The following C5 variants were observed in gnomAD, a reference collection of about 807,000 sequenced individuals.
The protein encoded by C5 is C3 and PZP-like alpha-2-macroglobulin domain-containing protein 4.
Under a neutral mutation model 218.8 loss-of-function variants are expected in C5, and 140 were observed. The observed-to-expected ratio is 0.64, with a 90% CI of 0.56 to 0.74. C5 has a LOEUF of 0.74. Ranked by LOEUF, C5 falls within the 30% of genes least tolerant of loss-of-function variation. The pLI, the probability that C5 is intolerant of heterozygous loss-of-function variation, is 0.00. For missense variants in C5, 1,700 were observed against 1,969.6 expected (o/e 0.86, Z 2.59); for synonymous variants, 614 against 682.3 (o/e 0.90, Z 1.56).
chr9:121,016,522 A>G, intron 14 of C5, 139 bp from the exon 15 acceptor site: 1 of 1,120,992 alleles, frequency 8.9e-7, no homozygotes, highest in East Asian at 2.5e-5. Context: ...TCAAAGACAA[A>G]ATTTCCCAAC....
chr9:121,074,702 C>T, the C5 span: 8 of 423,268 alleles, frequency 1.9e-5, no homozygotes, highest in Middle Eastern at 2.3e-3. Flanking sequence ...GCACTGCGGG[C>T]AGCTGCCGCA....
chr9:121,029,747 G>T (rs571136867), intron 7 of C5, among the ~76,000 whole-genome samples: 6 of 152,202 alleles, frequency 3.9e-5, no homozygotes, highest in Non-Finnish European at 8.8e-5. Context: ...AAGTGATGGT[G>T]TGCCAGCACC....
chr9:120,994,171 T>C (rs999294893), intron 22 of C5, among the ~76,000 whole-genome samples: 32 of 152,388 alleles, frequency 2.1e-4, no homozygotes, highest in African/African-American at 7.2e-4. Context: ...CTCATTGATA[T>C]ATTTTTTCAG....
chr9:121,065,370 G>A, the C5 span, among the ~76,000 whole-genome samples: 1 of 152,210 alleles, frequency 6.6e-6, no homozygotes, highest in Non-Finnish European at 1.5e-5. Context: ...TATAAAAATA[G>A]TAAACAATGA....
At chr9:120,970,336 G>A in intron 31 of C5, 85 bp from the exon 32 acceptor site, 1 of 848,036 alleles carries the variant, frequency 1.2e-6, no homozygotes, top group Non-Finnish European at 2.0e-6. Flanking sequence ...TGCTGCAGAT[G>A]GGATGCTCGA....
upstream of C5, among the ~76,000 whole-genome samples, chr9:121,054,546 G>A (rs950579697): frequency 1.3e-5 from 2 of 152,206 alleles, no homozygotes; most frequent in Non-Finnish European, 2.9e-5. Flanking sequence ...GTTGCAGTGA[G>A]CCAAGATCGT....
chr9:121,070,093 C>G, the C5 span, among the ~76,000 whole-genome samples: 1 of 152,064 alleles, frequency 6.6e-6, no homozygotes, highest in Admixed American at 6.6e-5. Flanking sequence ...CGTAGTGGCT[C>G]ATGCCTGTAA....
chr9:121,025,528 T>C lies in C5; in HGVS notation c.926A>G (p.Glu309Gly), dbSNP rs1452018435. 1 of 1,613,256 alleles carries C rather than the reference T, an allele frequency of 6.2e-7. No individual in the cohort carries two copies. The highest frequency in any genetic ancestry group is 1.7e-5 in the Admixed American group (1 of 60,004). ...VTFDSETAVKELSYYSLEDLN... is the reference protein window; with the variant it reads ...VTFDSETAVKGLSYYSLEDLN... ...ATCTTCTAAACTGTAGTATGACAGT[T>C]CTTTGACTGCTGTTTCAGAATCAAA... The change falls in exon 9 of 41, where the codon GAA becomes GGA. Residue 309 changes from glutamate to glycine, a missense_variant. Transcript: ENST00000223642.
At position 121,021,531 on chromosome 9, in the gene C5, C is replaced by A; in HGVS notation, c.1280G>T (p.Gly427Val). ...CACATTAAACTCCAGCACCGTCACT[C>A]CAGATGGGAGATTAAGCACAAAGGA... ...VASFVLNLPS[G>V]VTVLEFNVKT... The change falls in exon 11 of 41, where the codon GGA (glycine) becomes GTA (valine). Residue 427 changes from glycine to valine, a missense_variant. Gly to Val is a moderately radical substitution (Grantham distance 109). Transcript: ENST00000223642. 1 of 1,613,738 alleles carries A rather than the reference C, an allele frequency of 6.2e-7. No individual in the cohort carries two copies.
intron 28 of C5, among the ~76,000 whole-genome samples, chr9:120,979,215 G>A (rs191859171): frequency 8.5e-5 from 13 of 152,224 alleles, no homozygotes; most frequent in Non-Finnish European, 1.5e-4. Flanking sequence ...GCATTTGCAC[G>A]TGCTGTTCTC....
At chr9:121,059,552 G>A in the C5 span, among the ~76,000 whole-genome samples, 10 of 152,290 alleles carry the variant, frequency 6.6e-5, no homozygotes, top group Admixed American at 2.0e-4. This position sits in a 1 kb window ranked among gnomAD's most constrained non-coding sequence, Gnocchi z 4.1. Flanking sequence ...CTCATCCAGT[G>A]GCTAAATGTG....
In C5 at chr9:120,962,737, A is replaced by G; in HGVS notation, c.4438T>C (p.Phe1480Leu). 6.2e-7 allele frequency: 1 copy of G among 1,614,176 alleles called. No homozygotes were observed. Among genetic ancestry groups the G allele is most frequent in the Non-Finnish European group, 8.5e-7 (1 of 1,180,004 alleles). Residue 1480 changes from phenylalanine to leucine, a missense_variant, in exon 36 of 41, where the codon TTT (phenylalanine) becomes CTT (leucine). Coordinates refer to ENST00000223642, the MANE Select transcript of C5 (RefSeq NM_001735.3). ...SDFLCVRFRI[F>L]ELFEVGFLSP... ...AGAAACCCAACTTCAAAGAGTTCAA[A>G]TATCCGGAATCGTACACAAAGGAAA...
intron 30 of C5, 72 bp downstream of exon 30, chr9:120,974,707 A>C (rs1449788188): frequency 7.4e-7 from 1 of 1,350,620 alleles, no homozygotes; most frequent in Non-Finnish European, 1.1e-6. Flanking sequence ...AGATTTATAA[A>C]ATAAAGAGTG....
intron 33 of C5, 21 bp downstream of exon 33, chr9:120,969,040 C>G (rs1297038219): frequency 6.2e-7 from 1 of 1,605,970 alleles, no homozygotes; most frequent in Non-Finnish European, 8.5e-7. Context: ...TCTATGCTCC[C>G]CTTTGTGGAA....
At position 121,030,354 on chromosome 9, in the gene C5, T is replaced by C. The variant is rs1237534683; in HGVS notation, c.758+43A>G. The C allele has an allele frequency of 2.8e-6, 3 of 1,078,182 alleles. No homozygotes were observed. The Admixed American group carries it at 7.1e-5, about 25-fold the overall frequency. The allele number at this position is 1,078,182 out of a possible 1,614,324, so 66.8% of individuals were successfully genotyped here. ...ATCATCAACCAGAGTTGAGTTAATTTGAAAAATAAAAATAAAAACAACAAA... is the reference window on the plus strand; with the variant it reads ...ATCATCAACCAGAGTTGAGTTAATTCGAAAAATAAAAATAAAAACAACAAA... On this transcript the variant is annotated intron_variant, in intron 7 of 40. Coordinates refer to ENST00000223642, the MANE Select transcript of C5 (RefSeq NM_001735.3).
intron 10 of C5, among the ~76,000 whole-genome samples, chr9:121,023,195 T>G (rs1057237735): frequency 2.6e-5 from 4 of 152,226 alleles, no homozygotes; most frequent in African/African-American, 9.6e-5. Context: ...AAGGCTATCT[T>G]GCCCTCACTT....
At chr9:121,004,970 C>T (rs1403792600) in intron 20 of C5, among the ~76,000 whole-genome samples, 2 of 103,580 alleles carry the variant, frequency 1.9e-5, no homozygotes, top group South Asian at 3.7e-4. Flanking sequence ...GAGGGCAGAG[C>T]GAGACTCCGT....
At chr9:121,023,784 G>A (rs1259434469) in intron 9 of C5, among the ~76,000 whole-genome samples, 1 of 152,066 alleles carries the variant, frequency 6.6e-6, no homozygotes, top group African/African-American at 2.4e-5. Flanking sequence ...TACAGGACTG[G>A]ACTGAGGAAG....
At chr9:121,068,949 C>T in the C5 span, among the ~76,000 whole-genome samples, 2 of 152,100 alleles carry the variant, frequency 1.3e-5, no homozygotes, top group Non-Finnish European at 2.9e-5. Context: ...GAAACTAGAT[C>T]CCTACATCTC....
Sources: gnomAD v4.1 joint callset for allele counts (sites outside exome capture counted in the v4.1 genomes callset) on GRCh38, gnomAD v4.1.1 for gene constraint, Gnocchi (gnomAD v3.1) non-coding constraint, MANE v1.5 for transcripts, NCBI Gene and HGNC (gene_info 2026-07-23, HGNC 2026-07-21) for gene names.